The following FAR1 variants were observed in gnomAD, a reference collection of about 807,000 sequenced individuals.
FAR1 encodes the protein fatty acyl-CoA reductase 1.
FAR1 carries 22 observed loss-of-function variants against 61.1 expected under a neutral mutation model. The observed-to-expected ratio is 0.36, with a 90% CI of 0.26 to 0.51. The LOEUF (loss-of-function observed/expected upper bound fraction) is 0.51, where lower values mean the gene tolerates loss of function less well. Ranked by LOEUF, FAR1 falls within the 20% of genes least tolerant of loss-of-function variation. The pLI, the probability that FAR1 is intolerant of heterozygous loss-of-function variation, is 0.95. For missense variants in FAR1, 359 were observed against 626.9 expected (o/e 0.57, Z 4.56); for synonymous variants, 206 against 209.7 (o/e 0.98, Z 0.15).
intron 1 of FAR1, among the ~76,000 whole-genome samples, chr11:13,679,039 C>T (rs1392691494): frequency 1.3e-5 from 2 of 152,134 alleles, no homozygotes; most frequent in South Asian, 2.1e-4. Context: ...CCTATAACAT[C>T]GGTTTTACTT....
intron 9 of FAR1, among the ~76,000 whole-genome samples, chr11:13,716,480 G>T (rs1176387890): frequency 1.3e-5 from 2 of 152,170 alleles, no homozygotes; most frequent in Admixed American, 1.3e-4. Flanking sequence ...GATGAAAGAG[G>T]CCGGTGGGCA....
intron 9 of FAR1, among the ~76,000 whole-genome samples, chr11:13,716,040 G>T (rs1448104456): frequency 6.6e-6 from 1 of 152,170 alleles, no homozygotes; most frequent in Non-Finnish European, 1.5e-5. Flanking sequence ...AGCAGGTAAA[G>T]AAATATTTTC....
chr11:13,684,924 TAAGC>T (rs913236854), intron 1 of FAR1, among the ~76,000 whole-genome samples: 24 of 152,192 alleles, frequency 1.6e-4, no homozygotes, highest in African/African-American at 5.5e-4. Context: ...TTATTAGTCT[TAAGC>T]AAGACCGCAA....
chr11:13,706,147 A>G (rs2134188056), intron 3 of FAR1, among the ~76,000 whole-genome samples: 1 of 152,256 alleles, frequency 6.6e-6, no homozygotes, highest in South Asian at 2.1e-4. Flanking sequence ...TTACTTTTAA[A>G]ACAATATAGA....
chr11:13,725,806 T>C (rs112166636), intron 10 of FAR1, among the ~76,000 whole-genome samples: 1 of 152,272 alleles, frequency 6.6e-6, no homozygotes, highest in East Asian at 1.9e-4. Context: ...ATTTTCAGTC[T>C]GACAATTTTT....
intron 2 of FAR1, 38 bp downstream of exon 2, chr11:13,694,992 A>C (rs1282162372): frequency 2.6e-6 from 4 of 1,528,056 alleles, no homozygotes; most frequent in Non-Finnish European, 3.5e-6. Context: ...CAAAGAAAAA[A>C]GCGTGTGCTT....
In FAR1 at chr11:13,729,268, T is replaced by C. The variant is rs1230470665; in HGVS notation, c.*494T>C. The C allele has an allele frequency of 1.3e-5, 2 of 152,410 alleles. No homozygotes were observed. Among genetic ancestry groups the C allele is most frequent in the African/African-American group, 2.4e-5 (1 of 41,452 alleles). The allele number at this position is 152,410 out of a possible 1,614,324, so 9.4% of individuals were successfully genotyped here. ...TGGGTTTTAGTTTTGTTTAAAATTA[T>C]AACCAGCGTATTTTCACATCATTCT... is the stretch of plus-strand genomic sequence containing the variant. On this transcript the variant is annotated 3_prime_UTR_variant, in exon 12 of 12. Coordinates refer to ENST00000354817, the MANE Select transcript of FAR1 (RefSeq NM_032228.6).
At chr11:13,696,574 T>C (rs1293212966) in intron 2 of FAR1, among the ~76,000 whole-genome samples, 1 of 152,172 alleles carries the variant, frequency 6.6e-6, no homozygotes, top group Non-Finnish European at 1.5e-5. Flanking sequence ...TTCATTGAAC[T>C]TCAGTGGTTT....
chr11:13,690,254 A>C (rs972351990), intron 1 of FAR1, among the ~76,000 whole-genome samples: 3 of 151,924 alleles, frequency 2.0e-5, no homozygotes, highest in Non-Finnish European at 2.9e-5. Context: ...CTATTGGTTT[A>C]TCTCTCATTG....
chr11:13,705,572 GAA>G (rs1482254539), intron 3 of FAR1, among the ~76,000 whole-genome samples: 1 of 152,000 alleles, frequency 6.6e-6, no homozygotes, highest in Non-Finnish European at 1.5e-5. Context: ...AAATGCAAAA[GAA>G]AATAGTGCAT....
intron 4 of FAR1, among the ~76,000 whole-genome samples, chr11:13,708,459 AC>A (rs1848462374): frequency 6.8e-6 from 1 of 146,914 alleles, no homozygotes; most frequent in African/African-American, 2.6e-5. Flanking sequence ...ACACACACAC[AC>A]ACACACACAC....
At chr11:13,697,730 C>A (rs1404136442) in intron 2 of FAR1, among the ~76,000 whole-genome samples, 1 of 152,098 alleles carries the variant, frequency 6.6e-6, no homozygotes, top group Non-Finnish European at 1.5e-5. Flanking sequence ...AATTAAAGGT[C>A]ATCAGCAATT....
chr11:13,712,983 T>C lies in FAR1; in HGVS notation c.905T>C (p.Val302Ala). 1 of 1,613,036 alleles carries C rather than the reference T, an allele frequency of 6.2e-7. No homozygotes were observed. The highest frequency in any genetic ancestry group is 8.5e-7 in the Non-Finnish European group (1 of 1,179,218). The change falls in exon 8 of 12, where the codon GTG becomes GCG. Residue 302 changes from valine (V) to alanine (A), a missense_variant. Physicochemically the swap from Val to Ala is moderately conservative, Grantham distance 64. Coordinates refer to ENST00000354817, the MANE Select transcript of FAR1 (RefSeq NM_032228.6). ...SGVNRPRNIM[V>A]YNCTTGSTNP... Reference sequence around the variant, plus strand: ...CTTTGCAGACCAAGAAACATCATGGTGTATAATTGTACAACAGGCAGCACT... The same window carrying C: ...CTTTGCAGACCAAGAAACATCATGGCGTATAATTGTACAACAGGCAGCACT...
At chr11:13,687,188 G>A (rs1848196447) in intron 1 of FAR1, among the ~76,000 whole-genome samples, 1 of 152,138 alleles carries the variant, frequency 6.6e-6, no homozygotes, top group Non-Finnish European at 1.5e-5. Context: ...GAAAATAATG[G>A]TGATACATGG....
chr11:13,711,018 A>G, intron 5 of FAR1, 148 bp downstream of exon 5: 1 of 626,734 alleles, frequency 1.6e-6, no homozygotes, highest in Non-Finnish European at 2.7e-6. Context: ...TCATAGAGTT[A>G]ATTTTATTGG....
At chr11:13,713,123 T>G (rs932239284) in intron 8 of FAR1, 90 bp downstream of exon 8, 2 of 1,083,076 alleles carry the variant, frequency 1.8e-6, no homozygotes, top group Non-Finnish European at 2.9e-6. Flanking sequence ...CTATGAGGCA[T>G]TAAGGCCACT....
intron 10 of FAR1, 78 bp from the exon 11 acceptor site, chr11:13,727,478 T>C (rs775382461): frequency 1.9e-5 from 26 of 1,366,568 alleles, no homozygotes; most frequent in Non-Finnish European, 2.5e-5. Context: ...AACTGGCCTT[T>C]AGAAAAAGTG....
intron 11 of FAR1, 140 bp downstream of exon 11, chr11:13,727,823 G>A: frequency 1.3e-6 from 1 of 763,714 alleles, no homozygotes; most frequent in Non-Finnish European, 2.0e-6. Flanking sequence ...TATATTTGTA[G>A]TGCTTTTTAA....
chr11:13,711,922 A>T lies in FAR1; in HGVS notation c.769-6A>T, dbSNP rs762226437. 9.3e-6 allele frequency: 15 copies of T among 1,611,716 alleles called. No homozygotes were observed. Among genetic ancestry groups the T allele is most frequent in the Non-Finnish European group, 1.1e-5 (13 of 1,178,170 alleles). On this transcript the variant is annotated splice_region_variant and splice_polypyrimidine_tract_variant and intron_variant, in intron 6 of 11. Coordinates refer to ENST00000354817, the MANE Select transcript of FAR1 (RefSeq NM_032228.6). ...TCTTAAGGTGTTGTTTTTAATTTCAACAAAGGCAGGGAAAGGAATTCTTCG... is the reference window on the plus strand; with the variant it reads ...TCTTAAGGTGTTGTTTTTAATTTCATCAAAGGCAGGGAAAGGAATTCTTCG...
Sources: allele counts gnomAD v4.1 joint callset (sites outside exome capture counted in the v4.1 genomes callset), GRCh38; gene constraint gnomAD v4.1.1; transcripts MANE v1.5; gene names NCBI Gene and HGNC (gene_info 2026-07-23, HGNC 2026-07-21).